TM9SF3: variants seen among roughly 807,000 people sequenced by gnomAD.
The protein encoded by TM9SF3 is SM-11044-binding protein.
In TM9SF3, 14 loss-of-function variants were observed where a neutral mutation model predicts 78.6. That is an observed-to-expected ratio of 0.18 (90% CI 0.12 to 0.28). The LOEUF (loss-of-function observed/expected upper bound fraction) is 0.28. Ranked by LOEUF, TM9SF3 falls within the 10% of genes least tolerant of loss-of-function variation. The pLI, the probability that TM9SF3 is intolerant of heterozygous loss-of-function variation, is 1.00. For missense variants in TM9SF3, 496 were observed against 721.9 expected, an observed-to-expected ratio of 0.69 and a Z score of 3.59; for synonymous variants, 231 against 241.7, an observed-to-expected ratio of 0.96 and a Z score of 0.41.
Position 96,551,424 on chromosome 10 carries a change from A to G in TM9SF3, c.793-13T>C. On this transcript the variant is annotated splice_polypyrimidine_tract_variant and intron_variant, in intron 6 of 14. Coordinates refer to ENST00000371142, the MANE Select transcript of TM9SF3 (RefSeq NM_020123.4). ...CTAGGTCTCTATCCTATATACAAAT[A>G]TATATATAGAGAGAGAAAAGCAAAT... 3 of 1,519,190 alleles carry G rather than the reference A, an allele frequency of 2.0e-6. No homozygotes were observed. Among genetic ancestry groups the G allele is most frequent in the Non-Finnish European group, 2.6e-6 (3 of 1,132,456 alleles). 94.1% of individuals were successfully genotyped at this position (1,519,190 alleles called of 1,614,324 possible).
intron 3 of TM9SF3, among the ~76,000 whole-genome samples, 160 bp from the exon 4 acceptor site, chr10:96,562,298 G>C (rs7094732): frequency 7.1e-6 from 1 of 141,354 alleles, no homozygotes; most frequent in Admixed American, 7.5e-5. Context: ...TGCCATGATT[G>C]TAAGTTTCCT....
chr10:96,543,886 A>G (rs1848065567), intron 9 of TM9SF3, 190 bp downstream of exon 9: 2 of 359,824 alleles, frequency 5.6e-6, no homozygotes, highest in Non-Finnish European at 9.6e-6. Context: ...AGCCAACTAT[A>G]GGTTTAAACT....
Position 96,576,814 on chromosome 10 carries a change from C to T in TM9SF3, c.118G>A (p.Glu40Lys). Residue 40 changes from glutamate (E) to lysine (K), a missense_variant, in exon 2 of 15, where the codon GAA becomes AAA. By Grantham distance (56) the Glu-to-Lys change is moderately conservative. This residue lies in a region of TM9SF3 where 155 missense variants were observed against 241.6 expected (regional missense o/e 0.64). Transcript: ENST00000371142. Reference sequence around the variant, plus strand: ...ACAGTATTCATCCATAAGACAACTTCCTCTTTATCTTGATACTGAAACAAG... The same window carrying T: ...ACAGTATTCATCCATAAGACAACTTTCTCTTTATCTTGATACTGAAACAAG... ...EHEHTYQDKE[E>K]VVLWMNTVGP... 1 of 1,516,478 alleles carries T rather than the reference C, an allele frequency of 6.6e-7. No homozygotes were observed. The highest frequency in any genetic ancestry group is 8.8e-7 in the Non-Finnish European group (1 of 1,137,542). 93.9% of individuals were successfully genotyped at this position (1,516,478 alleles called of 1,614,324 possible). A position where few individuals can be genotyped will look rare whatever the true frequency, so the allele number is the denominator to read the frequency against.
intron 1 of TM9SF3, among the ~76,000 whole-genome samples, chr10:96,585,463 A>G (rs1325761706): frequency 1.3e-5 from 2 of 152,236 alleles, no homozygotes; most frequent in Admixed American, 6.5e-5. Flanking sequence ...CTTAGGTGAA[A>G]CACCACAAGT....
chr10:96,553,398 T>C (rs921122288), intron 5 of TM9SF3, among the ~76,000 whole-genome samples: 1 of 152,214 alleles, frequency 6.6e-6, no homozygotes. Flanking sequence ...GAGTCAAACA[T>C]TGCCAGTTTC....
chr10:96,566,277 T>C (rs1337119306), intron 2 of TM9SF3, among the ~76,000 whole-genome samples: 3 of 152,244 alleles, frequency 2.0e-5, no homozygotes, highest in African/African-American at 7.2e-5. Flanking sequence ...ATTTGTACTA[T>C]AATATTGGTT....
chr10:96,539,653 T>C (rs762246917), intron 9 of TM9SF3, among the ~76,000 whole-genome samples: 3 of 152,134 alleles, frequency 2.0e-5, no homozygotes, highest in Non-Finnish European at 4.4e-5. Flanking sequence ...TGTATGTATA[T>C]CAAAATTCAT....
intron 8 of TM9SF3, among the ~76,000 whole-genome samples, chr10:96,546,727 G>A (rs1848105002): frequency 6.6e-6 from 1 of 152,074 alleles, no homozygotes; most frequent in Non-Finnish European, 1.5e-5. Context: ...TTAAGTCTAG[G>A]AAGATTAATA....
intron 3 of TM9SF3, among the ~76,000 whole-genome samples, chr10:96,564,691 A>G (rs1164465387): frequency 9.2e-5 from 14 of 152,334 alleles, no homozygotes; most frequent in East Asian, 1.9e-4. Context: ...AGAAAGAAAC[A>G]ATTAGAGAAA....
intron 2 of TM9SF3, 117 bp downstream of exon 2, chr10:96,576,517 G>T: frequency 1.0e-6 from 1 of 965,736 alleles, no homozygotes; most frequent in Non-Finnish European, 1.5e-6. Flanking sequence ...ATCCTAACAT[G>T]TACATAACAG....
Position 96,575,243 on chromosome 10 carries a change from G to C in TM9SF3, c.298+1391C>G, listed in dbSNP as rs575303820. Among the ~76,000 whole-genome samples, 81 of 152,216 alleles carry C rather than the reference G, an allele frequency of 5.3e-4. 1 individual carries two copies. Among genetic ancestry groups the C allele is most frequent in the African/African-American group, 1.8e-3 (76 of 41,540 alleles). ...GAAATGCACACCAAATACGGAAAAAGAGAAAGCAGACGATTACATATAGTA... is the reference window on the plus strand; with the variant it reads ...GAAATGCACACCAAATACGGAAAAACAGAAAGCAGACGATTACATATAGTA... On this transcript the variant is annotated intron_variant, in intron 2 of 14. Coordinates refer to ENST00000371142, the MANE Select transcript of TM9SF3 (RefSeq NM_020123.4).
chr10:96,547,133 A>G (rs1339849977), intron 8 of TM9SF3, among the ~76,000 whole-genome samples: 1 of 152,234 alleles, frequency 6.6e-6, no homozygotes, highest in East Asian at 1.9e-4. Flanking sequence ...AGACTGTGAC[A>G]GTGACAAAGA....
intron 2 of TM9SF3, among the ~76,000 whole-genome samples, chr10:96,567,153 C>T (rs1026251454): frequency 1.1e-4 from 15 of 134,508 alleles, no homozygotes; most frequent in African/African-American, 3.7e-4. Context: ...GGTGAGATCT[C>T]GGCTCACTGC....
chr10:96,549,123 ACTCTATGCCTTCTCAAT>A (rs1390854984), intron 7 of TM9SF3, among the ~76,000 whole-genome samples: 1 of 151,856 alleles, frequency 6.6e-6, no homozygotes, highest in African/African-American at 2.4e-5. Context: ...ACCTTCTCAA[ACTCTATGCCTTCTCAAT>A]ATCACACTAT....
chr10:96,560,482 T>C, intron 4 of TM9SF3: 1 of 754,788 alleles, frequency 1.3e-6, no homozygotes, highest in Non-Finnish European at 2.4e-6. Flanking sequence ...CCAGTGCTTT[T>C]ATGGTTGAAG....
chr10:96,546,820 C>T (rs1390434404), intron 8 of TM9SF3, among the ~76,000 whole-genome samples: 2 of 152,172 alleles, frequency 1.3e-5, no homozygotes, highest in African/African-American at 4.8e-5. Flanking sequence ...TAAAAGAAGG[C>T]AGGATCCCCT....
rs1382645776 is a variant in TM9SF3, at chr10:96,565,344, A to G, written c.381T>C (p.His127=). The G allele has an allele frequency of 6.4e-7, 1 of 1,567,080 alleles. No individual in the cohort carries two copies. Among genetic ancestry groups the G allele is most frequent in the Non-Finnish European group, 8.6e-7 (1 of 1,166,276 alleles). ...RDAFVYAIKN[H]YWYQMYIDDL... is the part of the protein sequence containing the mutation. The stretch of plus-strand genomic sequence containing the variant: ...CATCTATGTACATCTGGTACCAGTA[A>G]TGATTTTTTATGGCATATACAAATG... The change falls in exon 3 of 15, where the codon CAT becomes CAC. Residue 127 remains histidine (H), a synonymous_variant. Coordinates refer to ENST00000371142, the MANE Select transcript of TM9SF3 (RefSeq NM_020123.4).
rs1334736612 is a variant in TM9SF3 at position 96,547,903 on chromosome 10, C to G, written c.1046G>C (p.Arg349Thr). 1.2e-6 allele frequency: 2 copies of G among 1,612,156 alleles called. No homozygotes were observed. The highest frequency in any genetic ancestry group is 2.2e-5 in the East Asian group (1 of 44,822). The change falls in exon 8 of 15, where the codon AGA becomes ACA. Residue 349 changes from arginine (R) to threonine (T), a missense_variant. Around this residue, in one of 4 missense-constraint regions of TM9SF3, gnomAD observed 280 missense variants for 422.6 expected, o/e 0.66. Coordinates refer to ENST00000371142, the MANE Select transcript of TM9SF3 (RefSeq NM_020123.4). The part of the protein sequence containing the change: ...NGYFGGSLYA[R>T]QGGRRWIKQM... ...GAGAATTCGTAAGTTACCTCCTTGT[C>G]TAGCATACAGACTTCCTCCAAAATA...
intron 9 of TM9SF3, chr10:96,543,686 T>C (rs1848062945): frequency 6.5e-6 from 1 of 152,960 alleles, no homozygotes; most frequent in Non-Finnish European, 1.5e-5. Flanking sequence ...AAAAAATGTG[T>C]CATGGAAAAG....
Sources: gnomAD v4.1 joint callset for allele counts (sites outside exome capture counted in the v4.1 genomes callset) on GRCh38, gnomAD v4.1.1 for gene constraint, gnomAD v4.1.1 regional missense constraint, MANE v1.5 for transcripts, NCBI Gene and HGNC (gene_info 2026-07-23, HGNC 2026-07-21) for gene names.